Variants in C10orf67 observed in about 807,000 individuals in gnomAD.
The protein encoded by C10orf67 is uncharacterized protein C10orf67, mitochondrial.
C10orf67 carries 60 observed loss-of-function variants against 35.6 expected under a neutral mutation model. That is an observed-to-expected ratio of 1.68 (90% CI 1.37 to 2.09). The LOEUF is 2.09. Among genes scored for constraint, C10orf67 ranks in the 30% most tolerant of loss-of-function variants. The pLI is 0.00. For synonymous variants in C10orf67, 167 were observed against 115.8 expected (o/e 1.44, Z -2.84); for missense variants, 474 against 330.2 (o/e 1.44, Z -3.38).
At chr10:23,276,294 C>A (rs1467569248) in intron 8 of C10orf67, among the ~76,000 whole-genome samples, 1 of 152,184 alleles carries the variant, frequency 6.6e-6, no homozygotes, top group Non-Finnish European at 1.5e-5. Context: ...AACTCTGTTG[C>A]TTGGTCAGTG....
rs891617606 is a variant in C10orf67, at chr10:23,267,279, T to C, written c.976-25A>G. ...TCTGTAAAATTGAAGACCCATATCA[T>C]TGGTTATTATCTGCAAAGATTAAAA... On this transcript the variant is annotated intron_variant, in intron 8 of 15. Coordinates refer to ENST00000636213, the MANE Select transcript of C10orf67 (RefSeq NM_001371909.1). The C allele has an allele frequency of 1.2e-5, 8 of 695,410 alleles. No individual in the cohort carries two copies. In the African/African-American group the frequency reaches 1.3e-4, roughly 11 times the overall value. 43.1% of individuals were successfully genotyped at this position (695,410 alleles called of 1,614,324 possible). A position where few individuals can be genotyped will look rare whatever the true frequency, so the allele number is the denominator to read the frequency against.
chr10:23,325,980 T>C (rs1057182373), intron 2 of C10orf67, among the ~76,000 whole-genome samples: 1 of 152,112 alleles, frequency 6.6e-6, no homozygotes, highest in African/African-American at 2.4e-5. Context: ...AACTTGAAGA[T>C]GTATCAATAA....
intron 15 of C10orf67, among the ~76,000 whole-genome samples, chr10:23,207,305 GAA>G (rs1170777159): frequency 6.6e-6 from 1 of 152,134 alleles, no homozygotes; most frequent in African/African-American, 2.4e-5. Context: ...ATGTCACTTT[GAA>G]AAGAGTTAAC....
At chr10:23,298,780 A>G (rs61710647) in intron 5 of C10orf67, among the ~76,000 whole-genome samples, 12,187 of 152,204 alleles carry the variant, frequency 0.08, 1,052 homozygotes, top group African/African-American at 0.22. Context: ...CACAGGTAGC[A>G]AGGAAATTTA....
intron 8 of C10orf67, among the ~76,000 whole-genome samples, chr10:23,280,017 C>T (rs969164558): frequency 1.3e-5 from 2 of 151,846 alleles, no homozygotes; most frequent in African/African-American, 4.8e-5. Context: ...CCATGCCTAG[C>T]TAATCTTTTT....
At chr10:23,212,203 TAGG>T (rs1841327597) in intron 15 of C10orf67, among the ~76,000 whole-genome samples, 1 of 152,198 alleles carries the variant, frequency 6.6e-6, no homozygotes, top group South Asian at 2.1e-4. Flanking sequence ...TACCAGAAGC[TAGG>T]AGACGGTCAT....
chr10:23,219,303 T>C (rs1841514036), intron 15 of C10orf67, among the ~76,000 whole-genome samples: 1 of 152,216 alleles, frequency 6.6e-6, no homozygotes, highest in Non-Finnish European at 1.5e-5. Flanking sequence ...ACAAGCCACT[T>C]AAAGAGTCAC....
chr10:23,285,255 T>A (rs967604799), intron 7 of C10orf67, among the ~76,000 whole-genome samples: 6 of 151,464 alleles, frequency 4.0e-5, no homozygotes, highest in Middle Eastern at 6.8e-3. Flanking sequence ...GTCCCTATAT[T>A]CAATGTCTAT....
intron 5 of C10orf67, among the ~76,000 whole-genome samples, chr10:23,302,437 T>G (rs1158748681): frequency 6.6e-6 from 1 of 152,152 alleles, no homozygotes; most frequent in Non-Finnish European, 1.5e-5. Flanking sequence ...TGTCTCTGCC[T>G]CTTCATCTGC....
intron 13 of C10orf67, among the ~76,000 whole-genome samples, chr10:23,226,221 C>G (rs376941773): frequency 1.3e-5 from 2 of 152,052 alleles, no homozygotes; most frequent in South Asian, 2.1e-4. Flanking sequence ...TAAAAGAACA[C>G]AAATTATAAC....
At chr10:23,324,393 T>A (rs1300184679) in intron 2 of C10orf67, among the ~76,000 whole-genome samples, 1 of 152,112 alleles carries the variant, frequency 6.6e-6, no homozygotes, top group Non-Finnish European at 1.5e-5. Flanking sequence ...TTCTTCCAGA[T>A]AACTCTCCTG....
intron 15 of C10orf67, among the ~76,000 whole-genome samples, chr10:23,208,216 A>T (rs983063955): frequency 6.6e-5 from 10 of 152,172 alleles, no homozygotes; most frequent in Non-Finnish European, 1.2e-4. Context: ...TGCTCTCGTA[A>T]CTCACCTGTA....
chr10:23,234,064 C>T (rs1316385538), intron 13 of C10orf67, among the ~76,000 whole-genome samples: 2 of 152,254 alleles, frequency 1.3e-5, no homozygotes, highest in East Asian at 3.9e-4. Context: ...AACACTTACA[C>T]ATGGTTGGTG....
rs530068776 is a variant in C10orf67 at position 23,259,527 on chromosome 10, GA to G, written c.1200+6734del. ...AACAAAAGACAGACAAAAAGTCCAG[GA>G]AAAAAAATCTATCGTTGGGAGACAA... On this transcript the variant is annotated intron_variant, in intron 10 of 15. Coordinates refer to ENST00000636213, the MANE Select transcript of C10orf67 (RefSeq NM_001371909.1). 7.9e-5 allele frequency among the ~76,000 whole-genome samples: 12 copies of G among 151,832 alleles called. No individual in the cohort carries two copies. In the South Asian group the frequency reaches 8.3e-4, roughly 11 times the overall value.
At chr10:23,257,087 T>G (rs997881755) in intron 10 of C10orf67, among the ~76,000 whole-genome samples, 3 of 152,180 alleles carry the variant, frequency 2.0e-5, no homozygotes, top group Admixed American at 6.5e-5. Flanking sequence ...GTTGCTCCCC[T>G]GGGAGAAGGG....
At position 23,251,453 on chromosome 10, in the gene C10orf67, C is replaced by T. The variant is rs367902285; in HGVS notation, c.1201-762G>A. On this transcript the variant is annotated intron_variant, in intron 10 of 15. Transcript: ENST00000636213. The stretch of plus-strand genomic sequence containing the variant: ...ACTGAATCACAGTAGAGCTTTATGC[C>T]ATTTATCAATAATGTTTATATTTTG... Among the ~76,000 whole-genome samples the T allele has an allele frequency of 2.0e-4, 30 of 152,254 alleles. No homozygotes were observed. In the South Asian group the frequency reaches 4.8e-3, roughly 24 times the overall value.
At chr10:23,270,348 C>T (rs1011959204) in intron 8 of C10orf67, among the ~76,000 whole-genome samples, 2 of 152,182 alleles carry the variant, frequency 1.3e-5, no homozygotes, top group Non-Finnish European at 2.9e-5. Flanking sequence ...AACCATGCTT[C>T]TCCCATAGAT....
chr10:23,305,273 CA>C (rs1844234239), intron 4 of C10orf67, among the ~76,000 whole-genome samples: 1 of 152,030 alleles, frequency 6.6e-6, no homozygotes, highest in Non-Finnish European at 1.5e-5. Flanking sequence ...CAATGAGACG[CA>C]AGAGAACACA....
chr10:23,206,190 G>A (rs184014206), intron 15 of C10orf67, among the ~76,000 whole-genome samples: 1 of 152,182 alleles, frequency 6.6e-6, no homozygotes, highest in East Asian at 1.9e-4. Flanking sequence ...TCAAACCAAT[G>A]GTTACCCCTT....
Sources: gnomAD v4.1 joint callset for allele counts (sites outside exome capture counted in the v4.1 genomes callset) on GRCh38, gnomAD v4.1.1 for gene constraint, MANE v1.5 for transcripts, NCBI Gene and HGNC (gene_info 2026-07-23, HGNC 2026-07-21) for gene names.